PDE4D: variants seen among roughly 807,000 people sequenced by gnomAD.
PDE4D encodes 3',5'-cyclic-AMP phosphodiesterase 4D.
In PDE4D, 24 loss-of-function variants were observed where a neutral mutation model predicts 87.4. The ratio of observed to expected loss-of-function variants is 0.27; its 90% CI spans 0.20 to 0.39. The LOEUF (loss-of-function observed/expected upper bound fraction) is 0.39. PDE4D is among the 10% of genes least tolerant of loss of function. PDE4D has a pLI of 1.00. For missense variants in PDE4D, 714 were observed against 1,041.0 expected, an observed-to-expected ratio of 0.69 and a Z score of 4.32; for synonymous variants, 384 against 383.2, an observed-to-expected ratio of 1.00 and a Z score of -0.02.
intron 1 of PDE4D, among the ~76,000 whole-genome samples, chr5:59,851,657 T>C (rs746345051): frequency 1.3e-5 from 2 of 152,056 alleles, no homozygotes; most frequent in African/African-American, 2.4e-5. Context: ...GATATAATCA[T>C]ATAAAACCTT....
At chr5:60,209,682 G>A (rs1356047939) in intron 1 of PDE4D, among the ~76,000 whole-genome samples, 1 of 151,966 alleles carries the variant, frequency 6.6e-6, no homozygotes, top group African/African-American at 2.4e-5. Flanking sequence ...GCAGAGAGAT[G>A]AGAAAGAGAG....
At chr5:59,055,529 A>G (rs995547940) in intron 5 of PDE4D, among the ~76,000 whole-genome samples, 5 of 151,984 alleles carry the variant, frequency 3.3e-5, no homozygotes, top group African/African-American at 1.2e-4. Flanking sequence ...CTCTCTGCAT[A>G]CTTGTTCATG....
At chr5:59,302,266 C>G (rs901293587) in intron 1 of PDE4D, among the ~76,000 whole-genome samples, 1 of 152,170 alleles carries the variant, frequency 6.6e-6, no homozygotes, top group African/African-American at 2.4e-5. Context: ...CTATAAAAGC[C>G]TTGAACCAAT....
chr5:60,452,191 T>A (rs1224835796), intron 1 of PDE4D, among the ~76,000 whole-genome samples: 5 of 152,042 alleles, frequency 3.3e-5, no homozygotes, highest in Non-Finnish European at 7.4e-5. Flanking sequence ...ATTTTGTAAA[T>A]CTCTGAGAAA....
At chr5:60,185,717 C>T in intron 1 of PDE4D, 1 of 628,818 alleles carries the variant, frequency 1.6e-6, no homozygotes, top group Non-Finnish European at 2.9e-6. Context: ...AATGTTTAAT[C>T]AAGTTATGAT....
chr5:59,063,951 G>A (rs1295247885), intron 5 of PDE4D, among the ~76,000 whole-genome samples: 2 of 151,938 alleles, frequency 1.3e-5, no homozygotes, highest in Non-Finnish European at 2.9e-5. Context: ...GAGCAGTGAG[G>A]GGCTAAGAAC....
chr5:60,250,040 G>A (rs1278392754), intron 1 of PDE4D, among the ~76,000 whole-genome samples: 3 of 151,922 alleles, frequency 2.0e-5, no homozygotes, highest in African/African-American at 7.2e-5. Flanking sequence ...GTTTCTCACA[G>A]TGCTTCTACA....
chr5:60,500,017 C>T (rs1314566990), intron 1 of PDE4D, among the ~76,000 whole-genome samples: 3 of 152,042 alleles, frequency 2.0e-5, no homozygotes, highest in African/African-American at 4.8e-5. Flanking sequence ...CAAAAAGAAA[C>T]TAAAACCCAG....
At chr5:59,325,864 A>T (rs1344449732) in intron 1 of PDE4D, among the ~76,000 whole-genome samples, 2 of 151,988 alleles carry the variant, frequency 1.3e-5, no homozygotes, top group African/African-American at 4.8e-5. Flanking sequence ...TTTTTTTTTA[A>T]ATGTGTTGAG....
At chr5:60,091,710 T>A (rs1189445525) in intron 2 of PDE4D, among the ~76,000 whole-genome samples, 1 of 152,122 alleles carries the variant, frequency 6.6e-6, no homozygotes, top group East Asian at 1.9e-4. Context: ...CTATCCACAA[T>A]AGCCAAGATA....
chr5:59,845,012 A>G (rs149578907), intron 1 of PDE4D, among the ~76,000 whole-genome samples: 111 of 152,178 alleles, frequency 7.3e-4, no homozygotes, highest in African/African-American at 2.6e-3. Flanking sequence ...AGGGGCTGAG[A>G]GCTGCCCCAG....
intron 1 of PDE4D, among the ~76,000 whole-genome samples, chr5:60,292,894 A>T (rs1246927206): frequency 6.6e-6 from 1 of 152,170 alleles, no homozygotes; most frequent in Non-Finnish European, 1.5e-5. Context: ...CTAATTTTGA[A>T]CTATCTCCTC....
chr5:60,297,275 G>A (rs1003721242), intron 1 of PDE4D, among the ~76,000 whole-genome samples: 2 of 152,050 alleles, frequency 1.3e-5, no homozygotes, highest in African/African-American at 2.4e-5. Flanking sequence ...GGTAGGGTTT[G>A]CCAAGTTTTG....
intron 1 of PDE4D, among the ~76,000 whole-genome samples, chr5:59,321,001 C>T (rs759279437): frequency 1.3e-5 from 2 of 152,066 alleles, no homozygotes; most frequent in African/African-American, 2.4e-5. Flanking sequence ...AAGTCGGTTG[C>T]TCTAAAGACC....
At position 59,579,130 on chromosome 5, in the gene PDE4D, C is replaced by T. The variant is rs150381967; in HGVS notation, c.455+314038G>A. ...CATCAAATATATTTTCACTTTGAAACTTAAGGTATTTGGATCAAGTCAGTT... is the reference window on the plus strand; with the variant it reads ...CATCAAATATATTTTCACTTTGAAATTTAAGGTATTTGGATCAAGTCAGTT... On this transcript the variant is annotated intron_variant, in intron 1 of 14. Coordinates refer to ENST00000340635, the MANE Select transcript of PDE4D (RefSeq NM_001104631.2). Among the ~76,000 whole-genome samples the T allele has an allele frequency of 3.0e-4, 45 of 152,266 alleles. No homozygotes were observed. The East Asian group carries it at 8.5e-3, about 29-fold the overall frequency.
chr5:59,313,768 A>G (rs924004167), intron 1 of PDE4D, among the ~76,000 whole-genome samples: 2 of 152,110 alleles, frequency 1.3e-5, no homozygotes, highest in African/African-American at 2.4e-5. Context: ...TTGTGTACCC[A>G]CCCAGGTCCT....
intron 2 of PDE4D, among the ~76,000 whole-genome samples, chr5:60,165,595 G>A (rs552579129): frequency 6.6e-6 from 1 of 151,274 alleles, no homozygotes; most frequent in South Asian, 2.1e-4. Flanking sequence ...GATCATTTGG[G>A]GTATTATGGA....
intron 1 of PDE4D, among the ~76,000 whole-genome samples, chr5:59,298,014 A>G (rs1214958738): frequency 6.6e-6 from 1 of 151,682 alleles, no homozygotes; most frequent in Non-Finnish European, 1.5e-5. Context: ...TGGGGTTGGT[A>G]GGAGAGGTGA....
chr5:59,582,368 G>C (rs144817378), intron 1 of PDE4D, among the ~76,000 whole-genome samples: 1 of 152,120 alleles, frequency 6.6e-6, no homozygotes, highest in Non-Finnish European at 1.5e-5. Flanking sequence ...TCTGGATTGA[G>C]TTTCTGTAAT....
Sources: allele counts gnomAD v4.1 joint callset (sites outside exome capture counted in the v4.1 genomes callset), GRCh38; gene constraint gnomAD v4.1.1; transcripts MANE v1.5; gene names NCBI Gene and HGNC (gene_info 2026-07-23, HGNC 2026-07-21).